GRK3: variants seen among roughly 807,000 people sequenced by gnomAD.
GRK3 encodes the protein adrenergic, beta, receptor kinase 2.
Under a neutral mutation model 95.7 loss-of-function variants are expected in GRK3, and 54 were observed. That is an observed-to-expected ratio of 0.56 (90% CI 0.45 to 0.71). The LOEUF (loss-of-function observed/expected upper bound fraction) is 0.71. GRK3 is among the 30% of genes least tolerant of loss of function. GRK3 has a pLI of 0.00. For missense variants in GRK3, 649 were observed against 851.2 expected (o/e 0.76, Z 2.96); for synonymous variants, 281 against 290.8 (o/e 0.97, Z 0.34).
intron 2 of GRK3, among the ~76,000 whole-genome samples, chr22:25,617,099 A>AAAAAGGAT (rs1341122460): frequency 6.6e-6 from 1 of 152,220 alleles, no homozygotes; most frequent in Non-Finnish European, 1.5e-5. Flanking sequence ...TGGAGCACAA[A>AAAAAGGAT]AAGAGAAACT....
At chr22:25,639,992 G>A (rs958560462) in intron 2 of GRK3, among the ~76,000 whole-genome samples, 3 of 151,942 alleles carry the variant, frequency 2.0e-5, no homozygotes, top group Admixed American at 6.5e-5. Flanking sequence ...AAATTTCATT[G>A]GTTTTTATCT....
intron 1 of GRK3, among the ~76,000 whole-genome samples, chr22:25,598,126 TG>T (rs2084384702): frequency 1.3e-5 from 2 of 152,268 alleles, no homozygotes; most frequent in South Asian, 2.1e-4. Flanking sequence ...ATTTAGAACA[TG>T]TAGGAATAAA....
At chr22:25,693,813 CTT>C (rs1222642207) in intron 12 of GRK3, among the ~76,000 whole-genome samples, 1 of 128,110 alleles carries the variant, frequency 7.8e-6, no homozygotes, top group Non-Finnish European at 1.6e-5. Flanking sequence ...GAGTTTCACT[CTT>C]GTCGCCCAGG....
At chr22:25,715,825 T>C (rs996799889) in intron 18 of GRK3, among the ~76,000 whole-genome samples, 2 of 152,218 alleles carry the variant, frequency 1.3e-5, no homozygotes, top group Non-Finnish European at 2.9e-5. Context: ...TGGTATAGGA[T>C]TCCTTGGTCT....
chr22:25,652,346 G>A (rs1163341951), intron 3 of GRK3, among the ~76,000 whole-genome samples: 1 of 152,182 alleles, frequency 6.6e-6, no homozygotes, highest in African/African-American at 2.4e-5. Context: ...CAGGAGAATG[G>A]CGTGAACCCG....
At chr22:25,675,744 G>A (rs550540058) in intron 8 of GRK3, among the ~76,000 whole-genome samples, 202 of 152,320 alleles carry the variant, frequency 1.3e-3, no homozygotes, top group African/African-American at 4.8e-3. Flanking sequence ...AGTCCTTTCC[G>A]TTCTCAGACA....
rs192925474 is a variant in GRK3 at position 25,629,496 on chromosome 22, G to A, written c.191-15096G>A. On this transcript the variant is annotated intron_variant, in intron 2 of 20. Transcript: ENST00000324198. ...TCTCCCATCTTTTCAGAAAAGTGGGGTGTGTCCCCTCTGGGCCAAGGCCAT... is the reference window on the plus strand; with the variant it reads ...TCTCCCATCTTTTCAGAAAAGTGGGATGTGTCCCCTCTGGGCCAAGGCCAT... Among the ~76,000 whole-genome samples, 110 of 152,342 alleles carry A rather than the reference G, an allele frequency of 7.2e-4. 1 individual carries two copies. The highest frequency in any genetic ancestry group is 7.0e-3 in the Admixed American group (107 of 15,304).
At chr22:25,663,735 T>C in intron 5 of GRK3, 31 bp downstream of exon 5, 1 of 1,480,214 alleles carries the variant, frequency 6.8e-7, no homozygotes, top group Non-Finnish European at 9.4e-7. Context: ...AATAAATAGA[T>C]AATATTTGCT....
intron 3 of GRK3, among the ~76,000 whole-genome samples, chr22:25,654,837 T>G (rs1452949464): frequency 2.0e-5 from 3 of 152,182 alleles, no homozygotes; most frequent in Non-Finnish European, 4.4e-5. Context: ...TTCTCTTAGC[T>G]GGCATCCTCC....
chr22:25,712,682 C>T (rs188358633), intron 17 of GRK3, among the ~76,000 whole-genome samples: 4 of 152,362 alleles, frequency 2.6e-5, no homozygotes, highest in Admixed American at 1.3e-4. Flanking sequence ...TTGGCTTTCT[C>T]ACCTGTAAAG....
chr22:25,713,446 G>A (rs1187549999), intron 17 of GRK3, among the ~76,000 whole-genome samples: 2 of 152,174 alleles, frequency 1.3e-5, no homozygotes. Context: ...TTGGCATGTG[G>A]GATGCAGCTT....
chr22:25,657,852 G>A (rs1028390250), intron 3 of GRK3, among the ~76,000 whole-genome samples: 1 of 151,674 alleles, frequency 6.6e-6, no homozygotes, highest in Non-Finnish European at 1.5e-5. Flanking sequence ...ATATATCCTG[G>A]ATGCCCTGTC....
chr22:25,697,278 A>G (rs1433962058), intron 13 of GRK3, among the ~76,000 whole-genome samples: 1 of 152,238 alleles, frequency 6.6e-6, no homozygotes, highest in Non-Finnish European at 1.5e-5. Context: ...TTAAAAGACT[A>G]GAGGGTTTTG....
rs546273397 is a variant in GRK3 at position 25,633,558 on chromosome 22, T to A, written c.191-11034T>A. 5.9e-5 allele frequency among the ~76,000 whole-genome samples: 9 copies of A among 152,308 alleles called. No individual in the cohort carries two copies. In the South Asian group the frequency reaches 1.0e-3, roughly 18 times the overall value. On this transcript the variant is annotated intron_variant, in intron 2 of 20. Transcript: ENST00000324198. ...TTTATTCGTAAGTGTTGGGTTTTTTTAATGTTATTATTAATTGTCCTGTTG... is the reference window on the plus strand; with the variant it reads ...TTTATTCGTAAGTGTTGGGTTTTTTAAATGTTATTATTAATTGTCCTGTTG...
intron 9 of GRK3, among the ~76,000 whole-genome samples, chr22:25,682,731 G>A (rs1055273218): frequency 6.6e-6 from 1 of 152,108 alleles, no homozygotes; most frequent in South Asian, 2.1e-4. Flanking sequence ...ATCTAGCATA[G>A]CACTGATGAA....
intron 15 of GRK3, among the ~76,000 whole-genome samples, chr22:25,707,121 C>T (rs1294501493): frequency 6.6e-6 from 1 of 152,138 alleles, no homozygotes; most frequent in African/African-American, 2.4e-5. Context: ...ATGCCTGTCT[C>T]CTGTGGTGGG....
intron 1 of GRK3, among the ~76,000 whole-genome samples, chr22:25,576,474 C>A (rs2877295): frequency 3.7e-4 from 56 of 152,304 alleles, no homozygotes; most frequent in Middle Eastern, 3.4e-3. Context: ...GAAACCTTTG[C>A]CATTTCTTGG....
chr22:25,617,346 G>A (rs531307613), intron 2 of GRK3, among the ~76,000 whole-genome samples: 1 of 152,282 alleles, frequency 6.6e-6, no homozygotes, highest in East Asian at 1.9e-4. Context: ...ACTTGAAATG[G>A]AATAGCTTGC....
intron 2 of GRK3, among the ~76,000 whole-genome samples, chr22:25,633,225 A>G (rs1048526650): frequency 6.6e-6 from 1 of 152,064 alleles, no homozygotes; most frequent in Non-Finnish European, 1.5e-5. Flanking sequence ...CCTATAATAT[A>G]TCTTGAACCA....
Sources: allele counts gnomAD v4.1 joint callset (sites outside exome capture counted in the v4.1 genomes callset), GRCh38; gene constraint gnomAD v4.1.1; transcripts MANE v1.5; gene names NCBI Gene and HGNC (gene_info 2026-07-23, HGNC 2026-07-21).